DAB1: variants seen among roughly 807,000 people sequenced by gnomAD.
DAB1 encodes DAB adaptor protein 1, also known as disabled homolog 1.
In DAB1, 15 loss-of-function variants were observed where a neutral mutation model predicts 64.6. The observed-to-expected ratio is 0.23, with a 90% CI of 0.16 to 0.36. The LOEUF (loss-of-function observed/expected upper bound fraction) is 0.36, where lower values mean the gene tolerates loss of function less well. Ranked by LOEUF, DAB1 falls within the 10% of genes least tolerant of loss-of-function variation. The pLI is 1.00. For synonymous variants in DAB1, 235 were observed against 251.9 expected, an observed-to-expected ratio of 0.93 and a Z score of 0.64; for missense variants, 596 against 706.7, an observed-to-expected ratio of 0.84 and a Z score of 1.78.
intron 5 of DAB1, among the ~76,000 whole-genome samples, chr1:58,029,722 G>T (rs1037742462): frequency 6.6e-5 from 10 of 152,094 alleles, no homozygotes; most frequent in Non-Finnish European, 1.2e-4. Context: ...GCATAAAGTT[G>T]TTCATAATGT....
At chr1:57,759,771 G>A (rs1381187747) in intron 6 of DAB1, among the ~76,000 whole-genome samples, 1 of 152,186 alleles carries the variant, frequency 6.6e-6, no homozygotes, top group Admixed American at 6.5e-5. Context: ...GAATAGGTGA[G>A]ACATGATAGG....
intron 5 of DAB1, among the ~76,000 whole-genome samples, chr1:58,031,218 C>T (rs1371842663): frequency 1.3e-5 from 2 of 152,004 alleles, no homozygotes; most frequent in African/African-American, 2.4e-5. Flanking sequence ...GGCCAGAGCA[C>T]GGAGACAGAA....
intron 4 of DAB1, among the ~76,000 whole-genome samples, chr1:58,301,990 G>A (rs1182216165): frequency 1.3e-5 from 2 of 152,098 alleles, no homozygotes; most frequent in African/African-American, 4.8e-5. Context: ...CCACCACCTT[G>A]GGAGCTAAGC....
intron 1 of DAB1, chr1:57,386,513 G>T (rs985924381): frequency 6.6e-6 from 1 of 152,072 alleles, no homozygotes; most frequent in Admixed American, 6.6e-5. Flanking sequence ...AGAACCCATT[G>T]TAGGTTCTAT....
At chr1:57,209,887 C>T (rs944872612) in intron 2 of DAB1, among the ~76,000 whole-genome samples, 3 of 152,180 alleles carry the variant, frequency 2.0e-5, no homozygotes, top group African/African-American at 7.2e-5. Flanking sequence ...GTAATAGGAA[C>T]ATAATGAAAT....
intron 1 of DAB1, among the ~76,000 whole-genome samples, chr1:57,414,802 A>G (rs969104671): frequency 6.6e-6 from 1 of 152,252 alleles, no homozygotes; most frequent in Admixed American, 6.5e-5. Flanking sequence ...CAATCTAAAA[A>G]GAGTGCATGC....
At chr1:57,594,086 C>A (rs1645478051) in intron 7 of DAB1, among the ~76,000 whole-genome samples, 1 of 152,106 alleles carries the variant, frequency 6.6e-6, no homozygotes, top group African/African-American at 2.4e-5. Context: ...GAAAGGCAGG[C>A]AAAACTGAAG....
Position 57,136,991 on chromosome 1 carries a change from T to C in DAB1, c.208-350A>G, listed in dbSNP as rs1349605387. 4.6e-5 allele frequency among the ~76,000 whole-genome samples: 7 copies of C among 152,166 alleles called. No individual in the cohort carries two copies. The South Asian group carries it at 6.2e-4, about 13-fold the overall frequency. On this transcript the variant is annotated intron_variant, in intron 3 of 14. Coordinates refer to ENST00000371236, the MANE Select transcript of DAB1 (RefSeq NM_001365792.1). ...TGTCTTTTCTGGGTTTTATATTAGA[T>C]ATGGTTTCAATCTTTTAAATGAAGG...
At chr1:57,485,861 A>G (rs1052151011) in intron 7 of DAB1, among the ~76,000 whole-genome samples, 6 of 152,172 alleles carry the variant, frequency 3.9e-5, no homozygotes, top group Non-Finnish European at 7.4e-5. Context: ...TGCACCCATA[A>G]GAGATGTTTC....
At chr1:57,494,401 G>C (rs1377866867) in intron 7 of DAB1, among the ~76,000 whole-genome samples, 1 of 152,118 alleles carries the variant, frequency 6.6e-6, no homozygotes, top group African/African-American at 2.4e-5. Context: ...AGCCATGGGC[G>C]ACATTTAAAG....
At chr1:58,181,393 CTG>C (rs1656783346) in intron 4 of DAB1, among the ~76,000 whole-genome samples, 1 of 152,064 alleles carries the variant, frequency 6.6e-6, no homozygotes, top group African/African-American at 2.4e-5. Flanking sequence ...ATTATCCAGT[CTG>C]ACAATCTGCT....
At chr1:57,169,581 C>A (rs555563302) in intron 2 of DAB1, among the ~76,000 whole-genome samples, 1 of 152,278 alleles carries the variant, frequency 6.6e-6, no homozygotes, top group Non-Finnish European at 1.5e-5. Context: ...CTCTTAGACC[C>A]TTCTGTGTAC....
At chr1:58,007,325 GA>G (rs1250249686) in intron 5 of DAB1, among the ~76,000 whole-genome samples, 1 of 152,168 alleles carries the variant, frequency 6.6e-6, no homozygotes, top group African/African-American at 2.4e-5. Flanking sequence ...AGGATTAGAA[GA>G]AAGGTTCTGC....
At chr1:57,380,722 A>C (rs17424278) in intron 1 of DAB1, among the ~76,000 whole-genome samples, 13,012 of 152,286 alleles carry the variant, frequency 0.085, 600 homozygotes, top group Middle Eastern at 0.12. Context: ...GCAGTAACTA[A>C]GACGTGGGTT....
intron 14 of DAB1, among the ~76,000 whole-genome samples, chr1:57,003,349 T>C (rs1645940965): frequency 6.6e-6 from 1 of 152,208 alleles, no homozygotes. Flanking sequence ...CTTTCCAATG[T>C]CACATAGTCT....
chr1:57,938,822 T>C (rs1268486361), intron 5 of DAB1, among the ~76,000 whole-genome samples: 2 of 151,942 alleles, frequency 1.3e-5, no homozygotes, highest in African/African-American at 2.4e-5. Flanking sequence ...TCACCTTGCC[T>C]TTAGTAACTA....
intron 4 of DAB1, among the ~76,000 whole-genome samples, chr1:58,337,281 C>T (rs1051982198): frequency 2.5e-5 from 2 of 78,876 alleles, no homozygotes; most frequent in Non-Finnish European, 5.0e-5. Flanking sequence ...GACTCTGTCT[C>T]AAAGAAAAAA....
chr1:57,963,629 C>T (rs1645580582), intron 5 of DAB1, among the ~76,000 whole-genome samples: 1 of 152,110 alleles, frequency 6.6e-6, no homozygotes, highest in Admixed American at 6.6e-5. Flanking sequence ...TCATTTCTCT[C>T]AATCTAGCCC....
intron 5 of DAB1, among the ~76,000 whole-genome samples, chr1:57,897,974 A>G (rs1644417257): frequency 6.6e-6 from 1 of 152,162 alleles, no homozygotes. Context: ...TGACATGACA[A>G]TCTGACAGCA....
Sources: gnomAD v4.1 joint callset for allele counts (sites outside exome capture counted in the v4.1 genomes callset) on GRCh38, gnomAD v4.1.1 for gene constraint, MANE v1.5 for transcripts, NCBI Gene and HGNC (gene_info 2026-07-23, HGNC 2026-07-21) for gene names.